The following PHF20L1 variants were observed in gnomAD, a reference collection of about 807,000 sequenced individuals.
PHF20L1 encodes the protein PHD finger protein 20-like protein 1.
PHF20L1 carries 44 observed loss-of-function variants against 125.5 expected under a neutral mutation model. That is an observed-to-expected ratio of 0.35 (90% CI 0.28 to 0.45). The LOEUF (loss-of-function observed/expected upper bound fraction) is 0.45. Among genes scored for constraint, PHF20L1 ranks in the 20% least tolerant of loss-of-function variants. The pLI is 1.00. For synonymous variants in PHF20L1, 380 were observed against 403.1 expected (o/e 0.94, Z 0.69); for missense variants, 1,012 against 1,217.2 (o/e 0.83, Z 2.51).
intron 8 of PHF20L1, 89 bp from the exon 9 acceptor site, chr8:132,810,957 A>C (rs1834325577): frequency 1.2e-6 from 1 of 808,728 alleles, no homozygotes; most frequent in Non-Finnish European, 2.2e-6. Flanking sequence ...AAGTATAGGA[A>C]ATTTCAACTG....
intron 8 of PHF20L1, chr8:132,810,821 A>C (rs1834303836): frequency 2.2e-6 from 1 of 459,352 alleles, no homozygotes; most frequent in East Asian, 4.0e-5. Context: ...TAATTGAGTA[A>C]TATTAAACAA....
rs574474216 is a variant in PHF20L1 at position 132,848,655 on chromosome 8, A to T, written c.*2732A>T. The T allele has an allele frequency of 6.6e-6, 1 of 152,522 alleles. No individual in the cohort carries two copies. The highest frequency in any genetic ancestry group is 2.4e-5 in the African/African-American group (1 of 41,540). 9.4% of individuals were successfully genotyped at this position (152,522 alleles called of 1,614,324 possible). A position where few individuals can be genotyped will look rare whatever the true frequency, so the allele number is the denominator to read the frequency against. On this transcript the variant is annotated 3_prime_UTR_variant, in exon 21 of 21. Transcript: ENST00000395386. Reference sequence around the variant, plus strand: ...CAAACTTAAGAGTAATGTACTTCGAAAACAACTTGGTTATTCTTTAAATTT... The same window carrying T: ...CAAACTTAAGAGTAATGTACTTCGATAACAACTTGGTTATTCTTTAAATTT...
chr8:132,780,511 C>G (rs1312830122), intron 2 of PHF20L1, among the ~76,000 whole-genome samples: 1 of 152,074 alleles, frequency 6.6e-6, no homozygotes, highest in Non-Finnish European at 1.5e-5. Flanking sequence ...AATTTCTTTT[C>G]TCCCTCTTCT....
intron 12 of PHF20L1, 137 bp downstream of exon 12, chr8:132,817,682 T>A: frequency 1.6e-6 from 1 of 628,784 alleles, no homozygotes; most frequent in South Asian, 2.1e-5. Context: ...TTAACATTTA[T>A]AGGAGAGTTT....
chr8:132,793,116 G>T (rs1235034282), intron 2 of PHF20L1, among the ~76,000 whole-genome samples: 1 of 151,944 alleles, frequency 6.6e-6, no homozygotes, highest in Admixed American at 6.6e-5. Flanking sequence ...GGGGAGTTAG[G>T]GAAGTCTTCA....
At chr8:132,830,148 C>T (rs1836605236) in intron 14 of PHF20L1, among the ~76,000 whole-genome samples, 1 of 152,006 alleles carries the variant, frequency 6.6e-6, no homozygotes, top group Admixed American at 6.6e-5. Flanking sequence ...GTTTTCTTGC[C>T]TCTTCTAGTT....
At chr8:132,837,293 A>G (rs1389833004) in intron 16 of PHF20L1, among the ~76,000 whole-genome samples, 1 of 152,116 alleles carries the variant, frequency 6.6e-6, no homozygotes, top group East Asian at 1.9e-4. Context: ...GGTTTTATGG[A>G]GGGAACTATG....
At chr8:132,824,090 A>T (rs763565026) in intron 13 of PHF20L1, 30 bp downstream of exon 13, 1 of 1,407,600 alleles carries the variant, frequency 7.1e-7, no homozygotes, top group Non-Finnish European at 1.0e-6. Flanking sequence ...TTTAAGCAAA[A>T]GACTATAAAG....
intron 14 of PHF20L1, 92 bp from the exon 15 acceptor site, chr8:132,832,143 G>T: frequency 3.8e-6 from 3 of 788,138 alleles, no homozygotes; most frequent in South Asian, 1.7e-5. Flanking sequence ...ATGATTATTT[G>T]GTGTATCCTG....
At chr8:132,786,885 C>A (rs1216764506) in intron 2 of PHF20L1, among the ~76,000 whole-genome samples, 1 of 151,934 alleles carries the variant, frequency 6.6e-6, no homozygotes, top group East Asian at 1.9e-4. Flanking sequence ...GAGCCAAATG[C>A]AGGAGGAATT....
intron 12 of PHF20L1, among the ~76,000 whole-genome samples, chr8:132,821,305 G>T (rs1835570600): frequency 6.6e-6 from 1 of 151,858 alleles, no homozygotes; most frequent in Non-Finnish European, 1.5e-5. Context: ...GAGTGTTCAT[G>T]AATTATATTA....
rs1587049974 is a variant in PHF20L1 at position 132,832,328 on chromosome 8, G to C, written c.1838G>C (p.Ser613Thr). 1.9e-6 allele frequency: 3 copies of C among 1,611,732 alleles called. No individual in the cohort carries two copies. The East Asian group carries it at 6.7e-5, about 36-fold the overall frequency. ...RSSGSSLASRSMFTEKTTTYQ... is the reference protein window; with the variant it reads ...RSSGSSLASRTMFTEKTTTYQ... ...TCTGGGAGTTCTCTGGCTTCACGAA[G>C]CATGTTTACGGAGAAAACTACAACC... The change falls in exon 15 of 21, where the codon AGC becomes ACC. Residue 613 changes from serine to threonine, a missense_variant. This residue lies in a region of PHF20L1 where 320 missense variants were observed against 293.8 expected (regional missense o/e 1.09). Coordinates refer to ENST00000395386, the MANE Select transcript of PHF20L1 (RefSeq NM_016018.5).
At chr8:132,833,972 G>A (rs2131859095) in intron 15 of PHF20L1, among the ~76,000 whole-genome samples, 1 of 152,194 alleles carries the variant, frequency 6.6e-6, no homozygotes, top group East Asian at 1.9e-4. Context: ...GATAAATGTT[G>A]CTGATCAGGA....
chr8:132,823,960 A>G, intron 12 of PHF20L1, 44 bp from the exon 13 acceptor site: 1 of 1,164,020 alleles, frequency 8.6e-7, no homozygotes, highest in Non-Finnish European at 1.3e-6. Context: ...CCATACTTTT[A>G]AGTTTTTCTG....
At chr8:132,785,107 G>A (rs1242293884) in intron 2 of PHF20L1, among the ~76,000 whole-genome samples, 1 of 152,126 alleles carries the variant, frequency 6.6e-6, no homozygotes, top group African/African-American at 2.4e-5. Context: ...GGCAAGGGTT[G>A]GAACAAGAGA....
chr8:132,817,121 A>G, intron 11 of PHF20L1, 45 bp downstream of exon 11: 1 of 1,245,264 alleles, frequency 8.0e-7, no homozygotes, highest in Non-Finnish European at 1.1e-6. Context: ...AAAAGAAGAT[A>G]AAGAAAAAAC....
Position 132,846,016 on chromosome 8 carries a change from A to T in PHF20L1, c.*93A>T. On this transcript the variant is annotated 3_prime_UTR_variant, in exon 21 of 21. Transcript: ENST00000395386. The stretch of plus-strand genomic sequence containing the variant: ...GGCTAAGTGGATAATTTAAAAGCTT[A>T]GTAATGTCTGGTCATTCACTGATTT... 1 of 944,450 alleles carries T rather than the reference A, an allele frequency of 1.1e-6. No homozygotes were observed. The highest frequency in any genetic ancestry group is 1.6e-6 in the Non-Finnish European group (1 of 626,338). The allele number at this position is 944,450 out of a possible 1,614,324, so 58.5% of individuals were successfully genotyped here.
chr8:132,783,341 T>C (rs902707169), intron 2 of PHF20L1, among the ~76,000 whole-genome samples: 4 of 152,218 alleles, frequency 2.6e-5, no homozygotes, highest in Admixed American at 6.5e-5. Context: ...TTTTTTGAAC[T>C]GTATGGAACA....
intron 12 of PHF20L1, among the ~76,000 whole-genome samples, chr8:132,823,595 A>C (rs1161220135): frequency 6.6e-6 from 1 of 151,986 alleles, no homozygotes; most frequent in Non-Finnish European, 1.5e-5. Context: ...AGAAAATGAA[A>C]AAAATTACGT....
Sources: gnomAD v4.1 joint callset for allele counts (sites outside exome capture counted in the v4.1 genomes callset) on GRCh38, gnomAD v4.1.1 for gene constraint, gnomAD v4.1.1 regional missense constraint, MANE v1.5 for transcripts, NCBI Gene and HGNC (gene_info 2026-07-23, HGNC 2026-07-21) for gene names.